SEC31A: variants seen among roughly 807,000 people sequenced by gnomAD.
SEC31A encodes the protein SEC31 homolog A, COPII component, also known as protein transport protein Sec31A.
A neutral mutation model predicts 151.0 loss-of-function variants in SEC31A; 70 were observed. That is an observed-to-expected ratio of 0.46 (90% confidence interval 0.38 to 0.57). The LOEUF is 0.57. Ranked by LOEUF, SEC31A falls within the 20% of genes least tolerant of loss-of-function variation. The pLI is 0.00. For missense variants in SEC31A, 1,330 were observed against 1,471.2 expected (o/e 0.90, Z 1.57); for synonymous variants, 475 against 505.9 (o/e 0.94, Z 0.82).
Position 82,831,020 on chromosome 4 carries a change from C to T in SEC31A, c.2969-1962G>A, listed in dbSNP as rs150108508. The T allele has an allele frequency of 2.1e-4, 170 of 811,940 alleles. 2 individuals carry two copies. In the East Asian group the frequency reaches 0.012, roughly 60 times the overall value. 50.3% of individuals were successfully genotyped at this position (811,940 alleles called of 1,614,324 possible). A position where few individuals can be genotyped will look rare whatever the true frequency, so the allele number is the denominator to read the frequency against. On this transcript the variant is annotated intron_variant, in intron 22 of 26. Transcript: ENST00000395310. Reference sequence around the variant, plus strand: ...ATTACTTAACAGTGTTTACTGAAGACATTCTAAACTTTACTCATTTTATAA... The same window carrying T: ...ATTACTTAACAGTGTTTACTGAAGATATTCTAAACTTTACTCATTTTATAA...
intron 18 of SEC31A, 24 bp from the exon 19 acceptor site, chr4:82,851,628 A>C: frequency 6.3e-7 from 1 of 1,590,784 alleles, no homozygotes; most frequent in South Asian, 1.1e-5. Context: ...ATGAGTAACA[A>C]ACAGAAATAT....
At chr4:82,839,220 G>A (rs917789569) in intron 22 of SEC31A, among the ~76,000 whole-genome samples, 2 of 151,942 alleles carry the variant, frequency 1.3e-5, no homozygotes, top group African/African-American at 2.4e-5. Context: ...GTGCGATCTC[G>A]GCTCACTTCA....
chr4:82,835,786 C>CA (rs1015566713), intron 22 of SEC31A, among the ~76,000 whole-genome samples: 8 of 148,932 alleles, frequency 5.4e-5, no homozygotes, highest in East Asian at 3.9e-4. Flanking sequence ...CGGAGTGGAA[C>CA]AAAAAAAAAG....
chr4:82,880,742 G>C, intron 3 of SEC31A, 57 bp downstream of exon 3: 1 of 1,413,250 alleles, frequency 7.1e-7, no homozygotes, highest in Middle Eastern at 1.8e-4. Flanking sequence ...GACAAATTAG[G>C]AATCAAGAAC....
At position 82,863,392 on chromosome 4, in the gene SEC31A, C is replaced by T; in HGVS notation, c.1435G>A (p.Val479Ile). 6.5e-7 allele frequency: 1 copy of T among 1,546,114 alleles called. No individual in the cohort carries two copies. Among genetic ancestry groups the T allele is most frequent in the Non-Finnish European group, 8.7e-7 (1 of 1,151,636 alleles). The change falls in exon 12 of 27, where the codon GTA becomes ATA. Residue 479 changes from valine (V) to isoleucine (I), a missense_variant and splice_region_variant. Physicochemically the swap from Val to Ile is conservative, Grantham distance 29. Coordinates refer to ENST00000395310, the MANE Select transcript of SEC31A (RefSeq NM_001077207.4). ...CCACGAGAATCATCCTCAAAGTTTA[C>T]CTTTAAAAAAAAAGACATATTCTTA... ...FEKNVWSFLK[V>I]NFEDDSRGKY...
intron 1 of SEC31A, among the ~76,000 whole-genome samples, chr4:82,882,804 C>T (rs546857698): frequency 7.9e-5 from 12 of 152,184 alleles, no homozygotes; most frequent in Non-Finnish European, 1.6e-4. Flanking sequence ...CACTTGTTTA[C>T]GTATTTTCTG....
chr4:82,827,748 G>C, intron 23 of SEC31A, 116 bp from the exon 24 acceptor site: 1 of 931,338 alleles, frequency 1.1e-6, no homozygotes, highest in Non-Finnish European at 1.6e-6. Context: ...TTTTTTAATA[G>C]TAGTAGAATA....
chr4:82,853,051 T>TGC (rs1300711844), intron 18 of SEC31A, among the ~76,000 whole-genome samples: 10 of 152,216 alleles, frequency 6.6e-5, no homozygotes, highest in Admixed American at 6.5e-5. Context: ...GTTCACCCAC[T>TGC]GCTCACCTCT....
chr4:82,898,771 C>T (rs1259502214), intron 3 of SEC31A, among the ~76,000 whole-genome samples: 1 of 152,212 alleles, frequency 6.6e-6, no homozygotes, highest in Non-Finnish European at 1.5e-5. Flanking sequence ...TCATCCACTG[C>T]TGGTGGGAAT....
chr4:82,857,251 C>T, intron 15 of SEC31A, 121 bp from the exon 16 acceptor site: 1 of 786,680 alleles, frequency 1.3e-6, no homozygotes, highest in Admixed American at 3.1e-5. Flanking sequence ...ACACTAATTT[C>T]TGATTACTAG....
At chr4:82,850,494 T>C (rs1270471388) in intron 19 of SEC31A, among the ~76,000 whole-genome samples, 1 of 152,106 alleles carries the variant, frequency 6.6e-6, no homozygotes, top group African/African-American at 2.4e-5. Context: ...TTATCAATAA[T>C]TCTCTAAAAC....
At chr4:82,868,354 G>A (rs1332872941) in intron 8 of SEC31A, among the ~76,000 whole-genome samples, 1 of 151,786 alleles carries the variant, frequency 6.6e-6, no homozygotes, top group African/African-American at 2.4e-5. Context: ...ACAAAATATT[G>A]GCCAGGCACG....
At position 82,876,107 on chromosome 4, in the gene SEC31A, C is replaced by CTT. The variant is rs200156848; in HGVS notation, c.403-287_403-286dup. Among the ~76,000 whole-genome samples, 35 of 127,204 alleles carry CTT rather than the reference C, an allele frequency of 2.8e-4. 1 individual carries two copies. The highest frequency in any genetic ancestry group is 8.2e-4 in the African/African-American group (29 of 35,328). The allele number at this position is 127,204 out of a possible 152,430, so 83.5% of individuals were successfully genotyped here. ...ATTTTAAAAATTATATGGATAAATTCTTTTTTTTTTTTTTTTTTTTGAGAT... is the reference window on the plus strand; with the variant it reads ...ATTTTAAAAATTATATGGATAAATTCTTTTTTTTTTTTTTTTTTTTTTGAGAT... On this transcript the variant is annotated intron_variant, in intron 4 of 26. Coordinates refer to ENST00000395310, the MANE Select transcript of SEC31A (RefSeq NM_001077207.4).
chr4:82,837,094 AAC>A (rs1317304936), intron 22 of SEC31A, among the ~76,000 whole-genome samples: 2 of 148,502 alleles, frequency 1.3e-5, no homozygotes, highest in African/African-American at 5.0e-5. Flanking sequence ...CTGGTTGCAA[AAC>A]AATATAAATG....
chr4:82,872,667 T>C (rs539909866), intron 6 of SEC31A, among the ~76,000 whole-genome samples: 2 of 66,960 alleles, frequency 3.0e-5, no homozygotes, highest in Admixed American at 1.8e-4. Flanking sequence ...TGAGTTTTAC[T>C]ATCAAAACTA....
At chr4:82,855,121 C>A in intron 16 of SEC31A, 92 bp from the exon 17 acceptor site, 7 of 1,031,628 alleles carry the variant, frequency 6.8e-6, no homozygotes, top group South Asian at 4.3e-5. Context: ...GTATTTCATG[C>A]CAAATGCAGC....
intron 22 of SEC31A, among the ~76,000 whole-genome samples, chr4:82,841,355 G>A (rs1013347754): frequency 1.3e-4 from 20 of 148,836 alleles, no homozygotes; most frequent in Admixed American, 3.4e-4. Context: ...CCCGGGAGAC[G>A]GAGGTTGCAG....
chr4:82,836,024 C>CA (rs1177678973), intron 22 of SEC31A, among the ~76,000 whole-genome samples: 3 of 151,980 alleles, frequency 2.0e-5, no homozygotes, highest in Non-Finnish European at 4.4e-5. Flanking sequence ...GGTGGTTCCT[C>CA]AAAAAACTAA....
chr4:82,857,173 G>A, intron 15 of SEC31A, 43 bp from the exon 16 acceptor site: 1 of 1,567,220 alleles, frequency 6.4e-7, no homozygotes. Context: ...TAGAGTTTTT[G>A]TTACCAAAAC....
Sources: gnomAD v4.1 joint callset for allele counts (sites outside exome capture counted in the v4.1 genomes callset) on GRCh38, gnomAD v4.1.1 for gene constraint, MANE v1.5 for transcripts, NCBI Gene and HGNC (gene_info 2026-07-23, HGNC 2026-07-21) for gene names.